Variants in HDAC4 observed in about 807,000 individuals in gnomAD.
HDAC4 encodes histone deacetylase A.
A neutral mutation model predicts 135.1 loss-of-function variants in HDAC4; 16 were observed. That is an observed-to-expected ratio of 0.12 (90% confidence interval 0.08 to 0.18). The LOEUF (loss-of-function observed/expected upper bound fraction) is 0.18. Among genes scored for constraint, HDAC4 ranks in the 10% least tolerant of loss-of-function variants. The pLI, the probability that HDAC4 is intolerant of heterozygous loss-of-function variation, is 1.00. For synonymous variants in HDAC4, 685 were observed against 653.4 expected, an observed-to-expected ratio of 1.05 and a Z score of -0.74; for missense variants, 1,143 against 1,511.8, an observed-to-expected ratio of 0.76 and a Z score of 4.05.
intron 2 of HDAC4, among the ~76,000 whole-genome samples, chr2:239,255,459 A>G (rs898565667): frequency 2.0e-5 from 3 of 152,184 alleles, no homozygotes; most frequent in African/African-American, 7.2e-5. Flanking sequence ...TATGACCTGC[A>G]TCTCCGGGCT....
intron 2 of HDAC4, among the ~76,000 whole-genome samples, chr2:239,291,456 T>G (rs1352448383): frequency 1.3e-5 from 2 of 152,116 alleles, no homozygotes; most frequent in Non-Finnish European, 2.9e-5. Flanking sequence ...CAGGAAGAGC[T>G]GCAGTGGGAT....
intron 24 of HDAC4, among the ~76,000 whole-genome samples, chr2:239,066,219 G>A (rs1243647665): frequency 6.6e-6 from 1 of 152,182 alleles, no homozygotes; most frequent in East Asian, 1.9e-4. Flanking sequence ...ACTCCCTCCG[G>A]CGGTGTTGGT....
At chr2:239,191,106 G>A (rs2044918785) in intron 3 of HDAC4, 2 of 427,672 alleles carry the variant, frequency 4.7e-6, no homozygotes, top group South Asian at 1.6e-5. Context: ...CCTCCCACAG[G>A]CCCACCCCTC....
At chr2:239,118,624 C>T (rs530372493) in intron 12 of HDAC4, among the ~76,000 whole-genome samples, 44 of 152,292 alleles carry the variant, frequency 2.9e-4, no homozygotes, top group African/African-American at 1.0e-3. Flanking sequence ...ATGAGAGCCC[C>T]GTGAGGCCAA....
Position 239,084,377 on chromosome 2 carries a change from G to A in HDAC4, c.2445-135C>T, listed in dbSNP as rs1032819472. Reference sequence around the variant, plus strand: ...TGAGTGCAGAGCTCCTGAATACGTCGCAGGGAACCCTCAGTGATGCCGGAG... The same window carrying A: ...TGAGTGCAGAGCTCCTGAATACGTCACAGGGAACCCTCAGTGATGCCGGAG... On this transcript the variant is annotated intron_variant, in intron 19 of 26. Coordinates refer to ENST00000543185, the MANE Select transcript of HDAC4 (RefSeq NM_001378414.1). The A allele has an allele frequency of 6.5e-5, 45 of 693,054 alleles. No individual in the cohort carries two copies. In the Middle Eastern group the frequency reaches 1.1e-3, roughly 16 times the overall value. 42.9% of individuals were successfully genotyped at this position (693,054 alleles called of 1,614,324 possible). A position where few individuals can be genotyped will look rare whatever the true frequency, so the allele number is the denominator to read the frequency against.
chr2:239,078,415 G>A (rs1458254470), intron 22 of HDAC4, among the ~76,000 whole-genome samples: 4 of 152,104 alleles, frequency 2.6e-5, no homozygotes, highest in Admixed American at 6.5e-5. Context: ...GGGGGCCCCC[G>A]TGGGGGAGAA....
chr2:239,272,798 T>C (rs543455707), intron 2 of HDAC4, among the ~76,000 whole-genome samples: 53 of 152,292 alleles, frequency 3.5e-4, no homozygotes, highest in African/African-American at 1.3e-3. Context: ...CAGGCAACTG[T>C]AGGGGACAAG....
intron 1 of HDAC4, among the ~76,000 whole-genome samples, chr2:239,361,088 G>C (rs904754600): frequency 6.6e-6 from 1 of 151,994 alleles, no homozygotes; most frequent in Non-Finnish European, 1.5e-5. Flanking sequence ...TCCTTTTTCT[G>C]ATATTTCATT....
At chr2:239,343,002 GAAGC>G (rs1321453113) in intron 2 of HDAC4, among the ~76,000 whole-genome samples, 1 of 152,084 alleles carries the variant, frequency 6.6e-6, no homozygotes, top group Non-Finnish European at 1.5e-5. Flanking sequence ...GAAGGAGAGA[GAAGC>G]AAACATGAAA....
chr2:239,331,440 A>G lies in HDAC4; in HGVS notation c.22+21238T>C, dbSNP rs201632278. On this transcript the variant is annotated intron_variant, in intron 2 of 26. Transcript: ENST00000543185. The surrounding 1 kb of genome is among the most constrained non-coding windows in gnomAD (Gnocchi z 4.5). ...ATAAAAGTGCTATAAGAGCTGCTCA[A>G]GGCTGCAGATATATTTCAGTCCACT... 2.0e-5 allele frequency among the ~76,000 whole-genome samples: 3 copies of G among 152,336 alleles called. No homozygotes were observed. The East Asian group carries it at 5.8e-4, about 29-fold the overall frequency.
intron 24 of HDAC4, among the ~76,000 whole-genome samples, chr2:239,061,984 G>A (rs1400010497): frequency 6.6e-6 from 1 of 152,254 alleles, no homozygotes; most frequent in East Asian, 1.9e-4. Context: ...GGGGGCACGG[G>A]CCTGGGCCAC....
chr2:239,372,181 T>C (rs1157305089), intron 1 of HDAC4, among the ~76,000 whole-genome samples: 1 of 152,034 alleles, frequency 6.6e-6, no homozygotes, highest in Non-Finnish European at 1.5e-5. Flanking sequence ...GCCCCAGGAC[T>C]CTCCTCTGCA....
intron 7 of HDAC4, among the ~76,000 whole-genome samples, chr2:239,145,745 C>T (rs555726934): frequency 6.6e-6 from 1 of 152,300 alleles, no homozygotes; most frequent in South Asian, 2.1e-4. Flanking sequence ...TCCTGCTGTT[C>T]TTAATCTTTC....
intron 3 of HDAC4, among the ~76,000 whole-genome samples, chr2:239,216,780 G>C (rs1487062680): frequency 1.3e-5 from 2 of 152,064 alleles, no homozygotes; most frequent in Non-Finnish European, 2.9e-5. Flanking sequence ...CCCCTTCCCT[G>C]TGCCGGGATG....
chr2:239,339,354 C>A (rs1692150067), intron 2 of HDAC4, among the ~76,000 whole-genome samples: 2 of 152,166 alleles, frequency 1.3e-5, no homozygotes, highest in Admixed American at 1.3e-4. Flanking sequence ...AGAAACAGGG[C>A]CCGATGAAAG....
intron 22 of HDAC4, among the ~76,000 whole-genome samples, chr2:239,076,013 G>A (rs1033806128): frequency 1.3e-5 from 2 of 151,336 alleles, no homozygotes; most frequent in Non-Finnish European, 2.9e-5. Context: ...AGTAGCAGGC[G>A]CGTGCCAGCG....
chr2:239,249,495 C>T (rs2048659790), intron 2 of HDAC4, among the ~76,000 whole-genome samples: 1 of 152,160 alleles, frequency 6.6e-6, no homozygotes, highest in Admixed American at 6.5e-5. Context: ...TTTGATGGAA[C>T]CTGCTGATTT....
At chr2:239,298,588 G>A (rs1575644103) in intron 2 of HDAC4, 1 of 1,017,788 alleles carries the variant, frequency 9.8e-7, no homozygotes, top group Non-Finnish European at 1.2e-6. Flanking sequence ...ACCCACATCC[G>A]GTGCACAGCA....
At chr2:239,280,844 CCACA>C (rs202099938) in intron 2 of HDAC4, among the ~76,000 whole-genome samples, 4,268 of 145,548 alleles carry the variant, frequency 0.029, 242 homozygotes, top group African/African-American at 0.1. Flanking sequence ...ACACCACTCT[CCACA>C]CAATGTACAC....
Sources: gnomAD v4.1 joint callset for allele counts (sites outside exome capture counted in the v4.1 genomes callset) on GRCh38, gnomAD v4.1.1 for gene constraint, Gnocchi (gnomAD v3.1) non-coding constraint, MANE v1.5 for transcripts, NCBI Gene and HGNC (gene_info 2026-07-23, HGNC 2026-07-21) for gene names.